The following C8orf76 variants were observed in gnomAD, a reference collection of about 807,000 sequenced individuals.
C8orf76 encodes uncharacterized protein C8orf76.
In C8orf76, 46 loss-of-function variants were observed where a neutral mutation model predicts 38.1. The observed-to-expected ratio is 1.21, with a 90% CI of 0.95 to 1.54. C8orf76 has a LOEUF of 1.54. Ranked by LOEUF, C8orf76 falls within the 40% of genes most tolerant of loss-of-function variation. The probability of loss-of-function intolerance (pLI) is 0.00; values close to 1 mark genes in which losing one functional copy is unlikely to be tolerated. For synonymous variants in C8orf76, 166 were observed against 167.5 expected (o/e 0.99, Z 0.07); for missense variants, 461 against 441.6 (o/e 1.04, Z -0.39).
chr8:123,235,401 C>T (rs1415832071), intron 3 of C8orf76, among the ~76,000 whole-genome samples: 1 of 151,890 alleles, frequency 6.6e-6, no homozygotes, highest in Non-Finnish European at 1.5e-5. Flanking sequence ...TAACCACCGT[C>T]ACAAAAAAAC....
chr8:123,230,436 A>G (rs1825210039), intron 4 of C8orf76, among the ~76,000 whole-genome samples: 1 of 152,150 alleles, frequency 6.6e-6, no homozygotes, highest in Admixed American at 6.6e-5. Flanking sequence ...TTATTTTCCT[A>G]ATTTTTTAAT....
chr8:123,239,495 T>C (rs1487461750), intron 1 of C8orf76: 1 of 166,140 alleles, frequency 6.0e-6, no homozygotes, highest in Admixed American at 5.9e-5. Flanking sequence ...ATTATGAAAA[T>C]GTCATAATGG....
At position 123,239,142 on chromosome 8, in the gene C8orf76, C is replaced by T; in HGVS notation, c.120G>A (p.Trp40Ter). The T allele has an allele frequency of 6.2e-7, 1 of 1,614,014 alleles. No individual in the cohort carries two copies. Among genetic ancestry groups the T allele is most frequent in the African/African-American group, 1.3e-5 (1 of 75,048 alleles). The change falls in exon 2 of 6, where the codon TGG becomes TGA. Residue 40 changes from tryptophan to a stop codon, truncating the protein, a stop_gained and splice_region_variant. Transcript: ENST00000276704. LOFTEE classifies it high-confidence loss of function. Reference sequence around the variant, plus strand: ...CACTGCTTTCTGTTTCTTCATAAAACCACTTGAAATCATGAAAATAGCCTA... The same window carrying T: ...CACTGCTTTCTGTTTCTTCATAAAATCACTTGAAATCATGAAAATAGCCTA... ...SYCAKLCEPQWFYEETESSDD... is the reference protein window; with the variant it reads ...SYCAKLCEPQ
Position 123,226,681 on chromosome 8 carries a change from C to A in C8orf76, c.816-49G>T, listed in dbSNP as rs184704292. 9.7e-4 allele frequency: 1,493 copies of A among 1,541,338 alleles called. 1 individual carries two copies. The highest frequency in any genetic ancestry group is 1.2e-3 in the Non-Finnish European group (1,362 of 1,153,258). On this transcript the variant is annotated intron_variant, in intron 4 of 5. Transcript: ENST00000276704. ...GCGTGGCGAAAAGTCCCAACGCTTC[C>A]AGATAAAGGAAAGCCGCGAGGAAAT...
rs140130281 is a variant in C8orf76 at position 123,234,955 on chromosome 8, C to A, written c.357+2843G>T. 2.2e-3 allele frequency among the ~76,000 whole-genome samples: 334 copies of A among 152,226 alleles called. 1 individual carries two copies. Among genetic ancestry groups the A allele is most frequent in the Middle Eastern group, 0.01 (3 of 294 alleles). On this transcript the variant is annotated intron_variant, in intron 3 of 5. Coordinates refer to ENST00000276704, the MANE Select transcript of C8orf76 (RefSeq NM_032847.3). ...CCAGCCTGGGCAACAGAGCAAGACT[C>A]CATCTCAAAAAGAAAAAAAGAGCTG...
At chr8:123,235,854 C>CGTGCAA (rs1477839054) in intron 3 of C8orf76, among the ~76,000 whole-genome samples, 1 of 152,120 alleles carries the variant, frequency 6.6e-6, no homozygotes, top group East Asian at 1.9e-4. Flanking sequence ...ACAACAGTGA[C>CGTGCAA]GTGCAAGAAA....
At chr8:123,237,242 G>A (rs1042322179) in intron 3 of C8orf76, among the ~76,000 whole-genome samples, 1 of 152,190 alleles carries the variant, frequency 6.6e-6, no homozygotes. Context: ...CCCAAAGAGC[G>A]GCGTCCTGCC....
intron 5 of C8orf76, chr8:123,226,095 A>T: frequency 2.0e-6 from 2 of 981,766 alleles, no homozygotes; most frequent in Non-Finnish European, 2.4e-6. Flanking sequence ...GACCGCAGGC[A>T]AGTCACAAGT....
rs374375604 is a variant in C8orf76, at chr8:123,241,356, G to A, written c.-10C>T. On this transcript the variant is annotated 5_prime_UTR_variant, in exon 1 of 6. Coordinates refer to ENST00000276704, the MANE Select transcript of C8orf76 (RefSeq NM_032847.3). ...AGCACCCGGAATCCATCTCGCGCCC[G>A]CGGCGGGGGCAACGAGGAAGCGGGG... 7.8e-6 allele frequency: 12 copies of A among 1,547,278 alleles called. No individual in the cohort carries two copies. The South Asian group carries it at 1.3e-4, about 17-fold the overall frequency.
chr8:123,228,169 T>A (rs569711953), intron 4 of C8orf76, among the ~76,000 whole-genome samples: 1 of 152,182 alleles, frequency 6.6e-6, no homozygotes, highest in Non-Finnish European at 1.5e-5. Flanking sequence ...GGTCACCAAG[T>A]CCTGTCTATT....
intron 2 of C8orf76, among the ~76,000 whole-genome samples, chr8:123,238,176 G>A (rs1422570513): frequency 3.3e-5 from 5 of 152,176 alleles, no homozygotes; most frequent in Admixed American, 3.3e-4. Context: ...CACATGTTGT[G>A]GGAGGGACCT....
At chr8:123,233,754 C>T (rs1005160277) in intron 3 of C8orf76, among the ~76,000 whole-genome samples, 2 of 150,804 alleles carry the variant, frequency 1.3e-5, no homozygotes, top group Admixed American at 6.6e-5. Flanking sequence ...TTAGGCCGGG[C>T]GTGGTGGCTC....
intron 4 of C8orf76, among the ~76,000 whole-genome samples, chr8:123,230,627 A>T (rs1265853058): frequency 6.6e-6 from 1 of 150,438 alleles, no homozygotes; most frequent in Non-Finnish European, 1.5e-5. Context: ...CTGGGACTAC[A>T]GGCACGCACC....
intron 4 of C8orf76, among the ~76,000 whole-genome samples, chr8:123,230,440 T>C (rs536808840): frequency 2.6e-5 from 4 of 152,376 alleles, no homozygotes; most frequent in African/African-American, 9.6e-5. Flanking sequence ...TTTCCTAATT[T>C]TTTAATGTTT....
At chr8:123,236,906 C>A in intron 3 of C8orf76, 1 of 1,171,356 alleles carries the variant, frequency 8.5e-7, no homozygotes, top group Non-Finnish European at 1.3e-6. Context: ...TGAGATCGAG[C>A]CCAGCAACGC....
chr8:123,221,592 T>G (rs1329337084), intron 5 of C8orf76, among the ~76,000 whole-genome samples: 2 of 152,096 alleles, frequency 1.3e-5, no homozygotes, highest in African/African-American at 4.8e-5. Flanking sequence ...AGTGCCACCA[T>G]GCCCAGCTAA....
intron 5 of C8orf76, among the ~76,000 whole-genome samples, chr8:123,224,814 T>A (rs942853618): frequency 6.6e-6 from 1 of 152,144 alleles, no homozygotes; most frequent in Non-Finnish European, 1.5e-5. Context: ...CTATTACTTA[T>A]AAGGAACCTA....
At chr8:123,221,255 G>C (rs577289350) in intron 5 of C8orf76, among the ~76,000 whole-genome samples, 2 of 152,306 alleles carry the variant, frequency 1.3e-5, no homozygotes, top group East Asian at 3.9e-4. Flanking sequence ...TATTTCACCA[G>C]TTCTAAGATA....
intron 5 of C8orf76, among the ~76,000 whole-genome samples, chr8:123,222,338 A>T (rs934405312): frequency 1.3e-5 from 2 of 152,250 alleles, no homozygotes. Context: ...AAAACTGATG[A>T]TTTCCTGGAT....
Sources: gnomAD v4.1 joint callset for allele counts (sites outside exome capture counted in the v4.1 genomes callset) on GRCh38, gnomAD v4.1.1 for gene constraint, MANE v1.5 for transcripts, NCBI Gene and HGNC (gene_info 2026-07-23, HGNC 2026-07-21) for gene names.